The following ARHGEF4 variants were observed in gnomAD, a reference collection of about 807,000 sequenced individuals.
ARHGEF4 encodes the protein Rho guanine nucleotide exchange factor 4, also known as APC-stimulated guanine nucleotide exchange factor 1.
ARHGEF4 carries 119 observed loss-of-function variants against 162.0 expected under a neutral mutation model. That is an observed-to-expected ratio of 0.73 (90% CI 0.63 to 0.86). ARHGEF4 has a LOEUF of 0.86. ARHGEF4 is among the 40% of genes least tolerant of loss of function. The probability of loss-of-function intolerance (pLI) is 0.00; values close to 1 mark genes in which losing one functional copy is unlikely to be tolerated. For missense variants in ARHGEF4, 2,488 were observed against 2,456.0 expected (o/e 1.01, Z -0.28); for synonymous variants, 1,014 against 979.9 (o/e 1.03, Z -0.65).
In ARHGEF4 at chr2:130,940,811, G is replaced by A. The variant is rs192431633; in HGVS notation, c.3859-5698G>A. 4.6e-3 allele frequency among the ~76,000 whole-genome samples: 613 copies of A among 133,698 alleles called. 2 individuals are homozygous for A. Among genetic ancestry groups the A allele is most frequent in the African/African-American group, 0.016 (548 of 34,924 alleles). 87.7% of individuals were successfully genotyped at this position (133,698 alleles called of 152,430 possible). Reference sequence around the variant, plus strand: ...TGCGCCACTGCACTCTAGCCTGGGTGACAGAGCGAGACTCCGTCTCAAAAA... The same window carrying A: ...TGCGCCACTGCACTCTAGCCTGGGTAACAGAGCGAGACTCCGTCTCAAAAA... On this transcript the variant is annotated intron_variant, in intron 3 of 13. Transcript: ENST00000409359.
intron 4 of ARHGEF4, among the ~76,000 whole-genome samples, chr2:130,992,838 C>G (rs1257932633): frequency 6.6e-6 from 1 of 152,192 alleles, no homozygotes; most frequent in African/African-American, 2.4e-5. Flanking sequence ...AATCCCAGCA[C>G]TTTGGGAGGC....
In ARHGEF4 at chr2:130,963,406, G is replaced by C. The variant is rs189529210; in HGVS notation, c.3985+16771G>C. Among the ~76,000 whole-genome samples the C allele has an allele frequency of 2.8e-3, 431 of 152,096 alleles. 1 individual carries two copies. Among genetic ancestry groups the C allele is most frequent in the African/African-American group, 0.01 (419 of 41,522 alleles). On this transcript the variant is annotated intron_variant, in intron 4 of 13. Transcript: ENST00000409359. The stretch of plus-strand genomic sequence containing the variant: ...CTGGGCCGAGCGGGGCCACCTGCTT[G>C]CGTCCTCGCCCTGGATGGCGTGGGA...
At position 131,046,280 on chromosome 2, in the gene ARHGEF4, T is replaced by A; in HGVS notation, c.*91T>A. ...AGGCCCACTCGGCCTGGCCTTCCTC[T>A]GCCTGCAAGTGAGCAGGGATGGGCT... On this transcript the variant is annotated 3_prime_UTR_variant, in exon 14 of 14. Coordinates refer to ENST00000409359, the MANE Select transcript of ARHGEF4 (RefSeq NM_001367493.1). 1 of 1,323,610 alleles carries A rather than the reference T, an allele frequency of 7.6e-7. No homozygotes were observed. The highest frequency in any genetic ancestry group is 2.5e-5 in the East Asian group (1 of 39,514). The allele number at this position is 1,323,610 out of a possible 1,614,324, so 82.0% of individuals were successfully genotyped here.
At chr2:131,038,166 G>C (rs1156943173) in intron 5 of ARHGEF4, among the ~76,000 whole-genome samples, 7 of 152,160 alleles carry the variant, frequency 4.6e-5, no homozygotes, top group Non-Finnish European at 5.9e-5. Context: ...GTGGTTGGTG[G>C]CTGACCTTAC....
Position 130,914,037 on chromosome 2 carries a change from C to T in ARHGEF4, c.91C>T (p.Gln31Ter). ...AGGTGAAGGTGAGATTGAAGATAAC[C>T]AGCTCCCCACATCCCCTGCAGAACA... is the stretch of plus-strand genomic sequence containing the variant. ...LPGEGEIEDN[Q>*]LPTSPAEQVE... The change falls in exon 2 of 14, where the codon CAG (glutamine) becomes TAG (stop). Residue 31 changes from glutamine to a stop codon, truncating the protein, a stop_gained. Coordinates refer to ENST00000409359, the MANE Select transcript of ARHGEF4 (RefSeq NM_001367493.1). LOFTEE classifies it high-confidence loss of function. 1 of 1,536,144 alleles carries T rather than the reference C, an allele frequency of 6.5e-7. No individual in the cohort carries two copies. Among genetic ancestry groups the T allele is most frequent in the Non-Finnish European group, 8.7e-7 (1 of 1,146,908 alleles).
At chr2:130,980,355 C>T (rs1686038829) in intron 4 of ARHGEF4, among the ~76,000 whole-genome samples, 1 of 148,042 alleles carries the variant, frequency 6.8e-6, no homozygotes, top group Admixed American at 6.8e-5. Context: ...AAGATCATGC[C>T]ATCCACCCTG....
At position 131,046,175 on chromosome 2, in the gene ARHGEF4, C is replaced by A; in HGVS notation, c.5617C>A (p.Pro1873Thr). The A allele has an allele frequency of 6.2e-7, 1 of 1,612,112 alleles. No individual in the cohort carries two copies. Among genetic ancestry groups the A allele is most frequent in the South Asian group, 1.1e-5 (1 of 90,978 alleles). ...TFWHSISRLA[P>T]FRK ...CTGGCACAGCATCAGCCGGCTGGCA[C>A]CCTTCCGCAAGTGAACTGGTCCCTG... The change falls in exon 14 of 14, where the codon CCC becomes ACC. Residue 1873 changes from proline (P) to threonine (T), a missense_variant. Physicochemically the swap from Pro to Thr is conservative, Grantham distance 38 (BLOSUM62 -1). This residue lies in a region of ARHGEF4 where 415 missense variants were observed against 512.4 expected (regional missense o/e 0.81). Transcript: ENST00000409359.
chr2:130,892,993 G>A (rs576002205), intron 1 of ARHGEF4, among the ~76,000 whole-genome samples: 58 of 152,318 alleles, frequency 3.8e-4, no homozygotes, highest in African/African-American at 1.3e-3. Flanking sequence ...CGGGACAGTG[G>A]CATCCTAGGC....
At chr2:130,957,248 C>CT (rs71398520) in intron 4 of ARHGEF4, among the ~76,000 whole-genome samples, 15,948 of 143,850 alleles carry the variant, frequency 0.11, 987 homozygotes, top group Non-Finnish European at 0.16. Context: ...CCAACTCATT[C>CT]TTTTTTTTTT....
chr2:130,946,636 G>A lies in ARHGEF4; in HGVS notation c.3985+1G>A, dbSNP rs1204097059. ...TGGCCAGAGCACACACCAGGCACTG[G>A]TGAGTTACGCGCCTCTCTCTTTTGC... On this transcript the variant is annotated splice_donor_variant, in intron 4 of 13. Transcript: ENST00000409359. LOFTEE classifies it high-confidence loss of function. The A allele has an allele frequency of 6.2e-7, 1 of 1,613,764 alleles. No individual in the cohort carries two copies. The highest frequency in any genetic ancestry group is 8.5e-7 in the Non-Finnish European group (1 of 1,179,866).
At chr2:130,926,744 A>G (rs1047583015) in intron 2 of ARHGEF4, among the ~76,000 whole-genome samples, 7 of 149,710 alleles carry the variant, frequency 4.7e-5, no homozygotes, top group Non-Finnish European at 8.9e-5. Context: ...AAGAAACACA[A>G]AAAGTGGCTC....
At chr2:130,838,938 G>A (rs1219191419) in intron 1 of ARHGEF4, among the ~76,000 whole-genome samples, 2 of 150,412 alleles carry the variant, frequency 1.3e-5, no homozygotes, top group Admixed American at 6.6e-5. Flanking sequence ...TGGCCTTTGT[G>A]AAAGTATTCC....
rs373925327 is a variant in ARHGEF4, at chr2:130,925,957, G to T, written c.3553-4995G>T. Among the ~76,000 whole-genome samples the T allele has an allele frequency of 2.8e-4, 43 of 151,972 alleles. No individual in the cohort carries two copies. In the East Asian group the frequency reaches 7.2e-3, roughly 25 times the overall value. ...CTCTTTTGGACTCCAGTTATCTAGT[G>T]TTTGATCTTTCTTTGCAGTCTCACA... On this transcript the variant is annotated intron_variant, in intron 2 of 13. Transcript: ENST00000409359.
intron 5 of ARHGEF4, among the ~76,000 whole-genome samples, chr2:131,038,495 C>G (rs1375446099): frequency 6.6e-6 from 1 of 151,014 alleles, no homozygotes; most frequent in Non-Finnish European, 1.5e-5. Flanking sequence ...TTGCAGCCCT[C>G]AGCCCCTCCC....
chr2:130,981,706 A>AC (rs1161253508), intron 4 of ARHGEF4, among the ~76,000 whole-genome samples: 1 of 151,128 alleles, frequency 6.6e-6, no homozygotes, highest in Non-Finnish European at 1.5e-5. Context: ...CAGGAAACAG[A>AC]CCCCCCATTC....
At chr2:130,841,370 GC>G (rs1680598396) in intron 1 of ARHGEF4, among the ~76,000 whole-genome samples, 1 of 142,120 alleles carries the variant, frequency 7.0e-6, no homozygotes, top group African/African-American at 2.7e-5. Context: ...GGCCTAGAAA[GC>G]TTTTTTTTTT....
intron 4 of ARHGEF4, among the ~76,000 whole-genome samples, chr2:131,000,119 AG>A (rs1687672120): frequency 6.6e-6 from 1 of 152,282 alleles, no homozygotes; most frequent in African/African-American, 2.4e-5. Flanking sequence ...ATAAAAAAGA[AG>A]AAAGTTCTTT....
intron 4 of ARHGEF4, among the ~76,000 whole-genome samples, chr2:131,004,555 G>T (rs1687990600): frequency 6.6e-6 from 1 of 152,120 alleles, no homozygotes; most frequent in Admixed American, 6.5e-5. Context: ...AGGTGAATGG[G>T]TGGCCAAGCC....
chr2:130,854,380 CGGGG>C (rs1559002233), intron 1 of ARHGEF4, among the ~76,000 whole-genome samples: 2 of 152,076 alleles, frequency 1.3e-5, no homozygotes, highest in African/African-American at 4.8e-5. Flanking sequence ...TCCTAGGAAG[CGGGG>C]TGGGCACACC....
Sources: allele counts gnomAD v4.1 joint callset (sites outside exome capture counted in the v4.1 genomes callset), GRCh38; gene constraint gnomAD v4.1.1; regional missense constraint gnomAD v4.1.1; transcripts MANE v1.5; gene names NCBI Gene and HGNC (gene_info 2026-07-23, HGNC 2026-07-21).